The following ERLIN1 variants were observed in gnomAD, a reference collection of about 807,000 sequenced individuals.
ERLIN1 encodes the protein erlin-1.
ERLIN1 carries 24 observed loss-of-function variants against 46.9 expected under a neutral mutation model. The ratio of observed to expected loss-of-function variants is 0.51; its 90% CI spans 0.37 to 0.72. The LOEUF is 0.72. Among genes scored for constraint, ERLIN1 ranks in the 30% least tolerant of loss-of-function variants. The probability of loss-of-function intolerance (pLI) is 0.00; values close to 1 mark genes in which losing one functional copy is unlikely to be tolerated. For synonymous variants in ERLIN1, 158 were observed against 143.2 expected (o/e 1.10, Z -0.74); for missense variants, 293 against 417.9 (o/e 0.70, Z 2.61).
intron 9 of ERLIN1, among the ~76,000 whole-genome samples, chr10:100,155,404 A>G (rs913917578): frequency 6.6e-6 from 1 of 152,194 alleles, no homozygotes; most frequent in Non-Finnish European, 1.5e-5. Context: ...ACTATGTGAA[A>G]TCAAGTAGTG....
rs1332833776 is a variant in ERLIN1, at chr10:100,155,655, C to T, written c.745+490G>A. On this transcript the variant is annotated intron_variant, in intron 9 of 10. Coordinates refer to ENST00000421367, the MANE Select transcript of ERLIN1 (RefSeq NM_006459.4). ...TCAGCCTCCCAAGTAGCTGGGACTA[C>T]AGGCGCCCGCCACCACGCCCGGCTA... Among the ~76,000 whole-genome samples, 3 of 151,986 alleles carry T rather than the reference C, an allele frequency of 2.0e-5. No homozygotes were observed. The East Asian group carries it at 5.8e-4, about 29-fold the overall frequency.
intron 2 of ERLIN1, among the ~76,000 whole-genome samples, chr10:100,179,703 C>T (rs1589555060): frequency 6.6e-6 from 1 of 152,170 alleles, no homozygotes; most frequent in African/African-American, 2.4e-5. Flanking sequence ...GTGATCCACC[C>T]ACCTTGGCCT....
chr10:100,182,500 G>A (rs949870458), intron 2 of ERLIN1, among the ~76,000 whole-genome samples: 1 of 152,120 alleles, frequency 6.6e-6, no homozygotes, highest in Non-Finnish European at 1.5e-5. Flanking sequence ...TGGCGGTAAC[G>A]CTGGGTCCCC....
rs1045441013 is a variant in ERLIN1 at position 100,185,967 on chromosome 10, A to C, written c.-341T>G. On this transcript the variant is annotated 5_prime_UTR_variant, in exon 1 of 11. It removes the in-frame stop codon of an upstream open reading frame in the 5' UTR. Coordinates refer to ENST00000421367, the MANE Select transcript of ERLIN1 (RefSeq NM_006459.4). Reference sequence around the variant, plus strand: ...ACCCCTCGGCCGCGCCTCACCGATCAGTGACGCATCGCCCCCGCCCGCACG... The same window carrying C: ...ACCCCTCGGCCGCGCCTCACCGATCCGTGACGCATCGCCCCCGCCCGCACG... The C allele has an allele frequency of 2.2e-6, 1 of 453,380 alleles. No individual in the cohort carries two copies. The highest frequency in any genetic ancestry group is 2.0e-5 in the African/African-American group (1 of 49,140). The allele number at this position is 453,380 out of a possible 1,614,324, so 28.1% of individuals were successfully genotyped here.
At chr10:100,155,129 C>T (rs1229579781) in intron 9 of ERLIN1, among the ~76,000 whole-genome samples, 190 bp from the exon 10 acceptor site, 8 of 152,202 alleles carry the variant, frequency 5.3e-5, no homozygotes. Context: ...TCAAATAACT[C>T]TCAGCTCATC....
intron 6 of ERLIN1, among the ~76,000 whole-genome samples, chr10:100,173,791 A>G (rs144905399): frequency 5.9e-5 from 9 of 152,214 alleles, no homozygotes; most frequent in African/African-American, 2.2e-4. Flanking sequence ...TCTTACAGCA[A>G]TAATCATTCA....
chr10:100,153,649 T>A (rs538576359), intron 10 of ERLIN1, among the ~76,000 whole-genome samples: 44 of 152,356 alleles, frequency 2.9e-4, no homozygotes, highest in African/African-American at 9.4e-4. Context: ...CTGGTCATAG[T>A]GCACAACCAC....
chr10:100,163,724 A>G (rs144252238), intron 8 of ERLIN1, among the ~76,000 whole-genome samples: 174 of 152,364 alleles, frequency 1.1e-3, no homozygotes, highest in African/African-American at 4.0e-3. Flanking sequence ...AATGCTATCC[A>G]CAGACTCAAG....
intron 5 of ERLIN1, among the ~76,000 whole-genome samples, chr10:100,174,806 GAGAC>G (rs1844198216): frequency 6.6e-6 from 1 of 152,196 alleles, no homozygotes; most frequent in African/African-American, 2.4e-5. Flanking sequence ...GAGAGAGAGA[GAGAC>G]AGAGAGAGAA....
At chr10:100,171,796 C>G (rs1024299131) in intron 6 of ERLIN1, among the ~76,000 whole-genome samples, 1 of 152,134 alleles carries the variant, frequency 6.6e-6, no homozygotes, top group Non-Finnish European at 1.5e-5. Flanking sequence ...ATAAAAACAG[C>G]TAATAACCTA....
chr10:100,178,092 T>C lies in ERLIN1; in HGVS notation c.304+41A>G, dbSNP rs980010306. On this transcript the variant is annotated intron_variant, in intron 4 of 10. Transcript: ENST00000421367. ...AAGAATCTCTCAGCTATAAATCCTC[T>C]GGCTATAACTATAAAAACCACAGGT... 4.0e-6 allele frequency: 5 copies of C among 1,252,630 alleles called. No homozygotes were observed. The Admixed American group carries it at 8.0e-5, about 20-fold the overall frequency. 77.6% of individuals were successfully genotyped at this position (1,252,630 alleles called of 1,614,324 possible).
rs1393434371 is a variant in ERLIN1, at chr10:100,150,430, A to G, written c.*1701T>C. The G allele has an allele frequency of 6.5e-6, 1 of 152,704 alleles. No homozygotes were observed. Among genetic ancestry groups the G allele is most frequent in the Non-Finnish European group, 1.5e-5 (1 of 68,038 alleles). The allele number at this position is 152,704 out of a possible 1,614,324, so 9.5% of individuals were successfully genotyped here. ...CAGATTTTCCACAACAATCATCTGC[A>G]GCAACAATTCGACAGGTAAAGATTT... is the stretch of plus-strand genomic sequence containing the variant. On this transcript the variant is annotated 3_prime_UTR_variant, in exon 11 of 11. Coordinates refer to ENST00000421367, the MANE Select transcript of ERLIN1 (RefSeq NM_006459.4).
intron 6 of ERLIN1, among the ~76,000 whole-genome samples, chr10:100,171,110 T>G (rs967652931): frequency 5.3e-5 from 8 of 152,208 alleles, no homozygotes; most frequent in African/African-American, 1.9e-4. Context: ...ACAATTTTTA[T>G]AATTTCTAAT....
intron 7 of ERLIN1, among the ~76,000 whole-genome samples, chr10:100,165,379 A>G (rs1312388995): frequency 1.3e-5 from 2 of 150,684 alleles, no homozygotes; most frequent in Non-Finnish European, 2.9e-5. Context: ...CGTCACCAGA[A>G]GCAATCTTTT....
At chr10:100,183,219 A>G (rs1844763148) in intron 2 of ERLIN1, among the ~76,000 whole-genome samples, 1 of 152,202 alleles carries the variant, frequency 6.6e-6, no homozygotes, top group Non-Finnish European at 1.5e-5. Context: ...TGGCCAAGAC[A>G]CTTTTCGAGG....
chr10:100,181,063 A>C (rs779150495), intron 2 of ERLIN1, among the ~76,000 whole-genome samples: 1 of 152,218 alleles, frequency 6.6e-6, no homozygotes, highest in African/African-American at 2.4e-5. Flanking sequence ...ATGAAGAGAC[A>C]AATTATATTT....
At chr10:100,166,441 T>A (rs1324243793) in intron 7 of ERLIN1, among the ~76,000 whole-genome samples, 16 of 149,134 alleles carry the variant, frequency 1.1e-4, no homozygotes, top group Admixed American at 2.0e-4. Flanking sequence ...AAAAAAAAAA[T>A]TAAGAAAAAG....
intron 3 of ERLIN1, 44 bp from the exon 4 acceptor site, chr10:100,178,238 TAA>T: frequency 8.0e-7 from 1 of 1,243,304 alleles, no homozygotes. Flanking sequence ...AGGCAATCCA[TAA>T]AACACAGTTA....
intron 6 of ERLIN1, among the ~76,000 whole-genome samples, chr10:100,171,797 T>A (rs572548731): frequency 7.9e-5 from 12 of 152,292 alleles, no homozygotes; most frequent in African/African-American, 2.9e-4. Context: ...TAAAAACAGC[T>A]AATAACCTAG....
Sources: gnomAD v4.1 joint callset for allele counts (sites outside exome capture counted in the v4.1 genomes callset) on GRCh38, gnomAD v4.1.1 for gene constraint, MANE v1.5 for transcripts, NCBI Gene and HGNC (gene_info 2026-07-23, HGNC 2026-07-21) for gene names.